RAD51B: variants seen among roughly 807,000 people sequenced by gnomAD.
RAD51B encodes RAD51 paralog B.
Under a neutral mutation model 42.2 loss-of-function variants are expected in RAD51B, and 38 were observed. The observed-to-expected ratio is 0.90, with a 90% confidence interval of 0.70 to 1.18. The LOEUF is 1.18. Ranked by LOEUF, RAD51B falls within the 50% of genes most tolerant of loss-of-function variation. RAD51B has a pLI of 0.00. For missense variants in RAD51B, 373 were observed against 400.7 expected (o/e 0.93, Z 0.59); for synonymous variants, 154 against 145.2 (o/e 1.06, Z -0.43).
At chr14:68,344,044 T>G (rs2082622209) in intron 8 of RAD51B, among the ~76,000 whole-genome samples, 1 of 152,222 alleles carries the variant, frequency 6.6e-6, no homozygotes, top group African/African-American at 2.4e-5. Flanking sequence ...GGTGGAGCCC[T>G]TACAGAGAAC....
chr14:68,683,035 G>A (rs1435816489), intron 11 of RAD51B: 1 of 839,564 alleles, frequency 1.2e-6, no homozygotes, highest in Non-Finnish European at 1.4e-6. Context: ...CCCCAGTTGA[G>A]TAATCGCCCA....
At chr14:68,195,919 A>C (rs1304852053) in intron 7 of RAD51B, among the ~76,000 whole-genome samples, 2 of 130,416 alleles carry the variant, frequency 1.5e-5, no homozygotes, top group African/African-American at 2.9e-5. Context: ...AAAAAAAAAA[A>C]AAAAAACAAC....
chr14:67,999,876 A>T (rs2075449881), intron 7 of RAD51B, among the ~76,000 whole-genome samples: 1 of 152,142 alleles, frequency 6.6e-6, no homozygotes. Flanking sequence ...TTCCAAGGAC[A>T]TTCTACTTTT....
intron 7 of RAD51B, among the ~76,000 whole-genome samples, chr14:68,285,465 G>A (rs959239703): frequency 1.3e-5 from 2 of 152,186 alleles, no homozygotes; most frequent in African/African-American, 4.8e-5. Context: ...TGAAAGCATT[G>A]GATTTAGTGC....
chr14:68,514,230 G>A (rs1425294122), intron 10 of RAD51B, among the ~76,000 whole-genome samples: 1 of 152,072 alleles, frequency 6.6e-6, no homozygotes, highest in Non-Finnish European at 1.5e-5. Context: ...GTTCTCTCTG[G>A]ACCCATGAGA....
chr14:68,188,776 A>G (rs1029236442), intron 7 of RAD51B, among the ~76,000 whole-genome samples: 40 of 152,230 alleles, frequency 2.6e-4, no homozygotes. Context: ...TCTAAAGAAT[A>G]GAATCCAAAT....
chr14:67,867,934 A>C (rs2042380397), intron 5 of RAD51B, among the ~76,000 whole-genome samples: 2 of 152,238 alleles, frequency 1.3e-5, no homozygotes, highest in South Asian at 4.1e-4. Context: ...AAGGATTCAC[A>C]TATATAGAAT....
At chr14:68,173,579 C>G (rs761260993) in intron 7 of RAD51B, among the ~76,000 whole-genome samples, 16 of 152,162 alleles carry the variant, frequency 1.1e-4, no homozygotes, top group Non-Finnish European at 2.2e-4. Flanking sequence ...GGATAAGAAT[C>G]ACATGCAATA....
intron 10 of RAD51B, among the ~76,000 whole-genome samples, chr14:68,538,681 T>C (rs1887784723): frequency 6.6e-6 from 1 of 151,912 alleles, no homozygotes; most frequent in Non-Finnish European, 1.5e-5. Flanking sequence ...ACACTAACAA[T>C]TGGGAGATTT....
At chr14:68,082,709 T>A (rs2076929903) in intron 7 of RAD51B, among the ~76,000 whole-genome samples, 4 of 151,690 alleles carry the variant, frequency 2.6e-5, no homozygotes, top group African/African-American at 9.7e-5. Context: ...TGTATTATAA[T>A]TTTTTTTTAA....
At chr14:68,266,890 CATT>C (rs1402618389) in intron 7 of RAD51B, among the ~76,000 whole-genome samples, 1 of 152,174 alleles carries the variant, frequency 6.6e-6, no homozygotes, top group Non-Finnish European at 1.5e-5. Flanking sequence ...AATATATAAA[CATT>C]ATTGTTTTAT....
At chr14:67,974,852 G>A (rs944385167) in intron 7 of RAD51B, among the ~76,000 whole-genome samples, 3 of 152,046 alleles carry the variant, frequency 2.0e-5, no homozygotes, top group African/African-American at 7.2e-5. Context: ...GTTGTGAACT[G>A]TATCAACTTT....
intron 4 of RAD51B, among the ~76,000 whole-genome samples, chr14:67,843,927 C>G (rs1276179005): frequency 1.3e-5 from 2 of 151,632 alleles, no homozygotes. Flanking sequence ...TCTGTTTCCT[C>G]TAGGTTAGAT....
In RAD51B at chr14:67,868,616, C is replaced by G. The variant is rs538483963; in HGVS notation, c.452+3477C>G. Reference sequence around the variant, plus strand: ...AAGGAGGCCTGCCTGCCTCTGTAGGCTCCACCTCTGGGGGCAGGGCACAGA... The same window carrying G: ...AAGGAGGCCTGCCTGCCTCTGTAGGGTCCACCTCTGGGGGCAGGGCACAGA... On this transcript the variant is annotated intron_variant, in intron 5 of 10. Transcript: ENST00000471583. Among the ~76,000 whole-genome samples, 179 of 152,352 alleles carry G rather than the reference C, an allele frequency of 1.2e-3. 1 individual carries two copies. Among genetic ancestry groups the G allele is most frequent in the African/African-American group, 4.1e-3 (171 of 41,580 alleles).
At chr14:68,260,424 G>C (rs1245717176) in intron 7 of RAD51B, among the ~76,000 whole-genome samples, 2 of 151,106 alleles carry the variant, frequency 1.3e-5, no homozygotes, top group Non-Finnish European at 2.9e-5. Context: ...GAAAAGCATA[G>C]CACATTTATT....
intron 7 of RAD51B, among the ~76,000 whole-genome samples, chr14:68,009,081 C>G (rs1014547526): frequency 6.6e-6 from 1 of 152,040 alleles, no homozygotes; most frequent in South Asian, 2.1e-4. Flanking sequence ...AGCCATCTCC[C>G]TAGTTTCAGG....
At chr14:68,027,280 C>G (rs1319604872) in intron 7 of RAD51B, among the ~76,000 whole-genome samples, 2 of 151,990 alleles carry the variant, frequency 1.3e-5, no homozygotes, top group African/African-American at 4.8e-5. Flanking sequence ...CAATTTTTGT[C>G]TTTTACATTG....
intron 9 of RAD51B, among the ~76,000 whole-genome samples, chr14:68,424,900 A>T (rs185193871): frequency 6.6e-6 from 1 of 152,046 alleles, no homozygotes; most frequent in Admixed American, 6.5e-5. Flanking sequence ...TTAGCCTCCC[A>T]AGTAGCTTGG....
At chr14:68,152,462 T>C (rs2078409087) in intron 7 of RAD51B, among the ~76,000 whole-genome samples, 1 of 152,174 alleles carries the variant, frequency 6.6e-6, no homozygotes. Flanking sequence ...CACTTGCTAG[T>C]GTTGAGGGAC....
Sources: gnomAD v4.1 joint callset for allele counts (sites outside exome capture counted in the v4.1 genomes callset) on GRCh38, gnomAD v4.1.1 for gene constraint, MANE v1.5 for transcripts, NCBI Gene and HGNC (gene_info 2026-07-23, HGNC 2026-07-21) for gene names.